The following CS variants were observed in gnomAD, a reference collection of about 807,000 sequenced individuals.
The protein encoded by CS is citrate synthase, mitochondrial.
A neutral mutation model predicts 61.4 loss-of-function variants in CS; 13 were observed. The ratio of observed to expected loss-of-function variants is 0.21; its 90% CI spans 0.14 to 0.34. The LOEUF (loss-of-function observed/expected upper bound fraction) is 0.34, where lower values mean the gene tolerates loss of function less well. Among genes scored for constraint, CS ranks in the 10% least tolerant of loss-of-function variants. The probability of loss-of-function intolerance (pLI) is 1.00; values close to 1 mark genes in which losing one functional copy is unlikely to be tolerated. For synonymous variants in CS, 159 were observed against 215.2 expected (o/e 0.74, Z 2.29); for missense variants, 278 against 573.4 (o/e 0.48, Z 5.26).
At chr12:56,289,034 A>G (rs558972321) in intron 1 of CS, among the ~76,000 whole-genome samples, 1 of 152,072 alleles carries the variant, frequency 6.6e-6, no homozygotes, top group African/African-American at 2.4e-5. Flanking sequence ...TATGTTCCTA[A>G]AGCAAACGAG....
chr12:56,283,847 C>T lies in CS; in HGVS notation c.212G>A (p.Gly71Asp), dbSNP rs1872848141. 6.2e-7 allele frequency: 1 copy of T among 1,612,106 alleles called. No individual in the cohort carries two copies. The highest frequency in any genetic ancestry group is 8.5e-7 in the Non-Finnish European group (1 of 1,178,498). The change falls in exon 4 of 11, where the codon GGC becomes GAC. Residue 71 changes from glycine (G) to aspartate (D), a missense_variant. This residue lies in a region of CS where 223 missense variants were observed against 503.5 expected (regional missense o/e 0.44). Transcript: ENST00000351328. ...GQITVDMMYG[G>D]MRGMKGLVYE... ...GACCAATCCCTTCATGCCTCTCATG[C>T]CACCATACATCTAAAGAGGATGAAG...
chr12:56,300,079 G>A (rs999695132), intron 1 of CS, 81 bp downstream of exon 1: 31 of 1,417,298 alleles, frequency 2.2e-5, no homozygotes, highest in Non-Finnish European at 2.8e-5. Flanking sequence ...ACGGGTGTGG[G>A]AGGGAGACCC....
At chr12:56,299,636 G>A (rs971231188) in intron 1 of CS, among the ~76,000 whole-genome samples, 3 of 152,152 alleles carry the variant, frequency 2.0e-5, no homozygotes, top group Non-Finnish European at 4.4e-5. Context: ...TCTTGTGCTC[G>A]GCGTGGTCAC....
intron 9 of CS, chr12:56,274,225 G>T (rs1872576478): frequency 5.1e-6 from 1 of 195,330 alleles, no homozygotes; most frequent in Admixed American, 5.4e-5. Flanking sequence ...AGAGGATGAG[G>T]CAGGAGAATC....
At chr12:56,275,903 C>A in intron 7 of CS, 93 bp downstream of exon 7, 1 of 1,095,558 alleles carries the variant, frequency 9.1e-7, no homozygotes, top group South Asian at 1.3e-5. Context: ...TGCCTATCAT[C>A]TGTTCTCAGA....
At chr12:56,273,983 A>C (rs1592404709) in intron 9 of CS, 187 bp from the exon 10 acceptor site, 3 of 541,362 alleles carry the variant, frequency 5.5e-6, no homozygotes, top group East Asian at 3.3e-5. Context: ...ACAGGTGCAC[A>C]CCAACACATC....
At chr12:56,296,057 C>T (rs1359519338) in intron 1 of CS, among the ~76,000 whole-genome samples, 1 of 149,732 alleles carries the variant, frequency 6.7e-6, no homozygotes, top group African/African-American at 2.5e-5. Flanking sequence ...TCCTACTTTG[C>T]AGAATTGTAA....
intron 1 of CS, among the ~76,000 whole-genome samples, chr12:56,289,792 G>A (rs911884147): frequency 6.6e-6 from 1 of 152,026 alleles, no homozygotes; most frequent in Non-Finnish European, 1.5e-5. Context: ...GTCTTGCTAT[G>A]TTGCCCCGGC....
Position 56,282,473 on chromosome 12 carries a change from T to G in CS, c.535A>C (p.Ser179Arg). The change falls in exon 6 of 11, where the codon AGT becomes CGT. Residue 179 changes from serine (S) to arginine (R), a missense_variant. Physicochemically the swap from Ser to Arg is moderately radical, Grantham distance 110. Coordinates refer to ENST00000351328, the MANE Select transcript of CS (RefSeq NM_004077.3). ...TGTGCATATGCTCGGGCAAAGTTAC[T>G]TTCACTGTTGAGGGCTGTAACAGCT... Reference protein sequence around the residue: ...SAAVTALNSESNFARAYAQGI... With the variant: ...SAAVTALNSERNFARAYAQGI... 1 of 1,613,570 alleles carries G rather than the reference T, an allele frequency of 6.2e-7. No individual in the cohort carries two copies. The highest frequency in any genetic ancestry group is 8.5e-7 in the Non-Finnish European group (1 of 1,179,882).
chr12:56,275,496 C>T, intron 7 of CS: 1 of 225,586 alleles, frequency 4.4e-6, no homozygotes, highest in South Asian at 6.1e-5. Context: ...TCACTTGAAC[C>T]TGGAGGTGCA....
rs762156410 is a variant in CS, at chr12:56,286,674, A to T, written c.43-29T>A. ...CAAAGCAAAAAAGAGAACCTTATGTAACTGTTACCCCTCCCTCTTTTATAT... is the reference window on the plus strand; with the variant it reads ...CAAAGCAAAAAAGAGAACCTTATGTTACTGTTACCCCTCCCTCTTTTATAT... On this transcript the variant is annotated intron_variant, in intron 1 of 10. Coordinates refer to ENST00000351328, the MANE Select transcript of CS (RefSeq NM_004077.3). 20 of 1,598,600 alleles carry T rather than the reference A, an allele frequency of 1.3e-5. No individual in the cohort carries two copies. The East Asian group carries it at 4.5e-4, about 36-fold the overall frequency.
intron 4 of CS, 57 bp from the exon 5 acceptor site, chr12:56,283,048 C>T: frequency 6.3e-7 from 1 of 1,591,172 alleles, no homozygotes; most frequent in Non-Finnish European, 8.6e-7. Context: ...AGTCACACGA[C>T]TGGTCTTACT....
chr12:56,286,720 G>T, intron 1 of CS, 75 bp from the exon 2 acceptor site: 1 of 1,273,822 alleles, frequency 7.9e-7, no homozygotes, highest in Non-Finnish European at 1.1e-6. Context: ...GAATTACAGT[G>T]ACTCAACCTC....
chr12:56,274,532 T>C (rs890734477), intron 9 of CS: 12 of 407,750 alleles, frequency 2.9e-5, no homozygotes, highest in African/African-American at 1.9e-4. Context: ...GGAGTGATCT[T>C]AGCACACTGC....
intron 1 of CS, among the ~76,000 whole-genome samples, chr12:56,297,216 G>A (rs1210238109): frequency 2.6e-5 from 4 of 152,182 alleles, no homozygotes; most frequent in Non-Finnish European, 5.9e-5. Context: ...GTCCAGAAGT[G>A]AACTGCAGCC....
chr12:56,287,479 CAAAAAAAAA>C (rs61199207), intron 1 of CS, among the ~76,000 whole-genome samples: 235 of 44,710 alleles, frequency 5.3e-3, no homozygotes, highest in Middle Eastern at 0.024. Flanking sequence ...AAGACTCTGT[CAAAAAAAAA>C]AAAAAAAAAA....
intron 8 of CS, 24 bp from the exon 9 acceptor site, chr12:56,274,902 A>G: frequency 1.2e-6 from 2 of 1,602,942 alleles, no homozygotes; most frequent in African/African-American, 1.3e-5. Flanking sequence ...TTGGGGAAAA[A>G]GGGAATGTTA....
Position 56,272,193 on chromosome 12 carries a change from G to A in CS, c.*891C>T. On this transcript the variant is annotated 3_prime_UTR_variant, in exon 11 of 11. Coordinates refer to ENST00000351328, the MANE Select transcript of CS (RefSeq NM_004077.3). ...CATGCTGGTCATTCCGGAGTTCTAT[G>A]CCCCACAGCATATTAAAAGATGGGG... is the stretch of plus-strand genomic sequence containing the variant. 1 of 248,862 alleles carries A rather than the reference G, an allele frequency of 4.0e-6. No homozygotes were observed. Among genetic ancestry groups the A allele is most frequent in the Non-Finnish European group, 8.1e-6 (1 of 123,786 alleles). 15.4% of individuals were successfully genotyped at this position (248,862 alleles called of 1,614,324 possible). A position where few individuals can be genotyped will look rare whatever the true frequency, so the allele number is the denominator to read the frequency against.
chr12:56,282,041 T>C lies in CS; in HGVS notation c.588+379A>G, dbSNP rs540464638. On this transcript the variant is annotated intron_variant, in intron 6 of 10. Transcript: ENST00000351328. Reference sequence around the variant, plus strand: ...GCCTGGCTAATTTTTGTATTTTTAGTAGAGATGGGGTTTCACCATATTGGC... The same window carrying C: ...GCCTGGCTAATTTTTGTATTTTTAGCAGAGATGGGGTTTCACCATATTGGC... Among the ~76,000 whole-genome samples, 15 of 152,256 alleles carry C rather than the reference T, an allele frequency of 9.9e-5. No homozygotes were observed. In the South Asian group the frequency reaches 2.5e-3, roughly 25 times the overall value.
Sources: allele counts gnomAD v4.1 joint callset (sites outside exome capture counted in the v4.1 genomes callset), GRCh38; gene constraint gnomAD v4.1.1; regional missense constraint gnomAD v4.1.1; transcripts MANE v1.5; gene names NCBI Gene and HGNC (gene_info 2026-07-23, HGNC 2026-07-21).